The following MAN1A1 variants were observed in gnomAD, a reference collection of about 807,000 sequenced individuals.
MAN1A1 encodes mannosyl-oligosaccharide 1,2-alpha-mannosidase IA.
A neutral mutation model predicts 70.8 loss-of-function variants in MAN1A1; 29 were observed. The ratio of observed to expected loss-of-function variants is 0.41; its 90% CI spans 0.31 to 0.56. The LOEUF is 0.56. Ranked by LOEUF, MAN1A1 falls within the 20% of genes least tolerant of loss-of-function variation. MAN1A1 has a pLI of 0.29. For synonymous variants in MAN1A1, 349 were observed against 330.1 expected (o/e 1.06, Z -0.62); for missense variants, 747 against 841.3 (o/e 0.89, Z 1.39).
At chr6:119,273,674 C>G (rs1194504341) in intron 5 of MAN1A1, among the ~76,000 whole-genome samples, 1 of 152,080 alleles carries the variant, frequency 6.6e-6, no homozygotes, top group East Asian at 1.9e-4. Flanking sequence ...ATATACAGCA[C>G]TTGTTTTTTT....
chr6:119,185,735 C>T (rs1244364311), intron 11 of MAN1A1, among the ~76,000 whole-genome samples: 2 of 152,062 alleles, frequency 1.3e-5, no homozygotes, highest in East Asian at 1.9e-4. Flanking sequence ...CGCCACCACG[C>T]CTGGTTAATT....
intron 5 of MAN1A1, among the ~76,000 whole-genome samples, chr6:119,250,024 AAC>A (rs1200650108): frequency 1.3e-5 from 2 of 152,200 alleles, no homozygotes; most frequent in Non-Finnish European, 1.5e-5. Context: ...AAATTATTGT[AAC>A]TCTTGTCAAA....
At chr6:119,195,606 A>G (rs1773547451) in intron 8 of MAN1A1, among the ~76,000 whole-genome samples, 1 of 152,330 alleles carries the variant, frequency 6.6e-6, no homozygotes, top group African/African-American at 2.4e-5. Context: ...CAAGATTATG[A>G]ACCAAGAGGG....
intron 2 of MAN1A1, among the ~76,000 whole-genome samples, chr6:119,326,001 A>G (rs1279339769): frequency 1.3e-5 from 2 of 152,230 alleles, no homozygotes; most frequent in Non-Finnish European, 2.9e-5. Context: ...TTGAACATAA[A>G]TCACAGCAAC....
intron 5 of MAN1A1, among the ~76,000 whole-genome samples, chr6:119,260,856 T>A (rs1447786754): frequency 1.3e-5 from 2 of 152,062 alleles, no homozygotes; most frequent in African/African-American, 4.8e-5. Context: ...AATATCAGAC[T>A]GAAATAGTTT....
chr6:119,270,240 A>G (rs1775882448), intron 5 of MAN1A1, among the ~76,000 whole-genome samples: 1 of 151,828 alleles, frequency 6.6e-6, no homozygotes, highest in Non-Finnish European at 1.5e-5. Context: ...AGATGCTCAT[A>G]GCTACTGGTT....
intron 5 of MAN1A1, among the ~76,000 whole-genome samples, chr6:119,250,648 CTGTGTGTG>C (rs71015031): frequency 6.7e-6 from 1 of 148,524 alleles, no homozygotes; most frequent in African/African-American, 2.5e-5. Context: ...TGTTCTCTCT[CTGTGTGTG>C]TGTGTGTGTG....
rs535618851 is a variant in MAN1A1 at position 119,178,288 on chromosome 6, G to A, written c.*1531C>T. 18 of 152,120 alleles carry A rather than the reference G, an allele frequency of 1.2e-4. No homozygotes were observed. In the South Asian group the frequency reaches 3.7e-3, roughly 32 times the overall value. The allele number at this position is 152,120 out of a possible 1,614,324, so 9.4% of individuals were successfully genotyped here. On this transcript the variant is annotated 3_prime_UTR_variant, in exon 13 of 13. Coordinates refer to ENST00000368468, the MANE Select transcript of MAN1A1 (RefSeq NM_005907.4). The stretch of plus-strand genomic sequence containing the variant: ...ATAATTGTCTTCAATAATATTAGGT[G>A]GAACCATATGAAACTGCTGACAGTT...
At chr6:119,211,858 T>C (rs1774061022) in intron 6 of MAN1A1, among the ~76,000 whole-genome samples, 1 of 151,784 alleles carries the variant, frequency 6.6e-6, no homozygotes, top group South Asian at 2.1e-4. Flanking sequence ...TTTTTTTTTT[T>C]TGAGATGGAG....
chr6:119,183,279 G>A (rs1232340411), intron 11 of MAN1A1, among the ~76,000 whole-genome samples: 1 of 152,132 alleles, frequency 6.6e-6, no homozygotes, highest in African/African-American at 2.4e-5. Flanking sequence ...AAAAAGCCCC[G>A]AAGAAAATAA....
At chr6:119,239,657 A>G (rs1042209954) in intron 6 of MAN1A1, among the ~76,000 whole-genome samples, 14 of 152,236 alleles carry the variant, frequency 9.2e-5, no homozygotes, top group Non-Finnish European at 1.5e-5. Flanking sequence ...TATTTCATAA[A>G]TTTTAAAATT....
At chr6:119,331,594 T>TAC (rs1434623838) in intron 2 of MAN1A1, among the ~76,000 whole-genome samples, 1 of 144,262 alleles carries the variant, frequency 6.9e-6, no homozygotes, top group African/African-American at 2.6e-5. Context: ...TATATATATA[T>TAC]ATATAATCAA....
chr6:119,299,527 T>C (rs1772325252), intron 4 of MAN1A1, among the ~76,000 whole-genome samples: 1 of 152,074 alleles, frequency 6.6e-6, no homozygotes, highest in Non-Finnish European at 1.5e-5. Context: ...AAACTATCAT[T>C]AACAGGCCTA....
intron 8 of MAN1A1, among the ~76,000 whole-genome samples, chr6:119,194,375 G>C: frequency 6.6e-6 from 1 of 152,196 alleles, no homozygotes; most frequent in East Asian, 1.9e-4. Flanking sequence ...CCAGGCTGGA[G>C]TGCAGAGGCA....
At chr6:119,229,874 C>T (rs1240784758) in intron 6 of MAN1A1, among the ~76,000 whole-genome samples, 1 of 152,210 alleles carries the variant, frequency 6.6e-6, no homozygotes, top group Non-Finnish European at 1.5e-5. Context: ...ACACGACATT[C>T]TCTTCTTCAA....
At chr6:119,190,630 T>C (rs1166382455) in intron 9 of MAN1A1, among the ~76,000 whole-genome samples, 1 of 152,200 alleles carries the variant, frequency 6.6e-6, no homozygotes, top group Non-Finnish European at 1.5e-5. Flanking sequence ...TCCTCTCTAA[T>C]ACTTCTATTA....
intron 6 of MAN1A1, among the ~76,000 whole-genome samples, chr6:119,246,018 T>C (rs1775158854): frequency 6.6e-6 from 1 of 152,180 alleles, no homozygotes; most frequent in Non-Finnish European, 1.5e-5. Context: ...CATGGTACAC[T>C]AAGGATAGAT....
At chr6:119,321,847 A>T (rs912027518) in intron 2 of MAN1A1, among the ~76,000 whole-genome samples, 3 of 151,814 alleles carry the variant, frequency 2.0e-5, no homozygotes, top group Non-Finnish European at 4.4e-5. Context: ...TTGAACTCCT[A>T]ACCTCAAGGG....
chr6:119,277,084 A>T (rs1246682751), intron 5 of MAN1A1, among the ~76,000 whole-genome samples: 1 of 152,192 alleles, frequency 6.6e-6, no homozygotes, highest in African/African-American at 2.4e-5. Flanking sequence ...AATAAATATC[A>T]ATTGTTAAGT....
Sources: allele counts gnomAD v4.1 joint callset (sites outside exome capture counted in the v4.1 genomes callset), GRCh38; gene constraint gnomAD v4.1.1; transcripts MANE v1.5; gene names NCBI Gene and HGNC (gene_info 2026-07-23, HGNC 2026-07-21).